The following DNMT3B variants were observed in gnomAD, a reference collection of about 807,000 sequenced individuals.
The protein encoded by DNMT3B is DNA (cytosine-5)-methyltransferase 3B.
A neutral mutation model predicts 120.2 loss-of-function variants in DNMT3B; 37 were observed. The ratio of observed to expected loss-of-function variants is 0.31; its 90% confidence interval spans 0.24 to 0.40. The LOEUF (loss-of-function observed/expected upper bound fraction) is 0.40. Ranked by LOEUF, DNMT3B falls within the 10% of genes least tolerant of loss-of-function variation. The pLI is 1.00. For synonymous variants in DNMT3B, 412 were observed against 442.8 expected, an observed-to-expected ratio of 0.93 and a Z score of 0.87; for missense variants, 878 against 1,137.3, an observed-to-expected ratio of 0.77 and a Z score of 3.28.
At position 32,793,549 on chromosome 20, in the gene DNMT3B, G is replaced by A. The variant is rs776703292; in HGVS notation, c.1080G>A (p.Ser360=). The change falls in exon 10 of 23, where the codon TCG becomes TCA. Residue 360 remains serine, a synonymous_variant. Transcript: ENST00000328111. ...PNNTQPVVNK[S]KVRRAGSRKL... ...TCCCCTCAAAAGTGGTTAATAAGTC[G>A]AAGGTGCGTCGTGCAGGCAGTAGGA... 8.7e-6 allele frequency: 14 copies of A among 1,614,050 alleles called. No individual in the cohort carries two copies. Among genetic ancestry groups the A allele is most frequent in the Admixed American group, 3.3e-5 (2 of 59,998 alleles).
Position 32,792,917 on chromosome 20 carries a change from A to G in DNMT3B, c.1066+147A>G, listed in dbSNP as rs1980157094. The G allele has an allele frequency of 4.8e-6, 6 of 1,262,188 alleles. No individual in the cohort carries two copies. In the East Asian group the frequency reaches 1.5e-4, roughly 32 times the overall value. The allele number at this position is 1,262,188 out of a possible 1,614,324, so 78.2% of individuals were successfully genotyped here. A position where few individuals can be genotyped will look rare whatever the true frequency, so the allele number is the denominator to read the frequency against. ...GAATGTTGGAAAAATAGGAGCAGGC[A>G]TACGAAGGCTGTGCCAGCTCTATCT... On this transcript the variant is annotated intron_variant, in intron 9 of 22. Coordinates refer to ENST00000328111, the MANE Select transcript of DNMT3B (RefSeq NM_006892.4).
chr20:32,802,949 C>G (rs1355548741), intron 20 of DNMT3B, among the ~76,000 whole-genome samples: 2 of 152,214 alleles, frequency 1.3e-5, no homozygotes, highest in Non-Finnish European at 2.9e-5. Context: ...CTTCACCTCT[C>G]CTCCCCGTTG....
At chr20:32,800,391 G>A in intron 17 of DNMT3B, 93 bp downstream of exon 17, 1 of 1,553,278 alleles carries the variant, frequency 6.4e-7, no homozygotes. Flanking sequence ...CCCCATCCCT[G>A]AGACCCCAGA....
intron 8 of DNMT3B, among the ~76,000 whole-genome samples, chr20:32,791,964 T>C (rs1980019780): frequency 6.6e-6 from 1 of 152,166 alleles, no homozygotes; most frequent in Non-Finnish European, 1.5e-5. Flanking sequence ...GGGTGCAATA[T>C]TCGTATCAGT....
At chr20:32,803,530 C>T (rs920766823) in intron 20 of DNMT3B, among the ~76,000 whole-genome samples, 4 of 152,208 alleles carry the variant, frequency 2.6e-5, no homozygotes, top group Non-Finnish European at 4.4e-5. Flanking sequence ...GTAGGCCAGG[C>T]ACTGTTACGC....
intron 15 of DNMT3B, 64 bp from the exon 16 acceptor site, chr20:32,799,180 T>C: frequency 6.4e-7 from 1 of 1,551,678 alleles, no homozygotes; most frequent in East Asian, 2.3e-5. Flanking sequence ...AGCCTGCCCC[T>C]CCCTCAGAGC....
chr20:32,780,296 C>A (rs780191958), intron 1 of DNMT3B, 22 bp from the exon 2 acceptor site: 3 of 1,613,732 alleles, frequency 1.9e-6, no homozygotes, highest in Non-Finnish European at 2.5e-6. Context: ...TTTCACCCCA[C>A]CCATTCTGGC....
rs1981970200 is a variant in DNMT3B at position 32,806,246 on chromosome 20, C to T, written c.2339C>T (p.Ser780Leu). The change falls in exon 22 of 23, where the codon TCG becomes TTG. Residue 780 changes from serine to leucine, a missense_variant. Around this residue, in one of 4 missense-constraint regions of DNMT3B, gnomAD observed 334 missense variants for 518.8 expected, o/e 0.64. Transcript: ENST00000328111. Reference protein sequence around the residue: ...KVQTITTKSNSIKQGKNQLFP... With the variant: ...KVQTITTKSNLIKQGKNQLFP... ...CAGACAATAACCACCAAGTCGAACT[C>T]GATCAAACAGGGGAAAAACCAACTT... 4 of 1,614,130 alleles carry T rather than the reference C, an allele frequency of 2.5e-6. No homozygotes were observed. Among genetic ancestry groups the T allele is most frequent in the Non-Finnish European group, 1.7e-6 (2 of 1,180,038 alleles).
At chr20:32,770,686 C>T (rs906179100) in intron 1 of DNMT3B, among the ~76,000 whole-genome samples, 1 of 149,944 alleles carries the variant, frequency 6.7e-6, no homozygotes, top group African/African-American at 2.5e-5. Context: ...GATCTTGGTT[C>T]ACCACAACCT....
chr20:32,776,137 G>A (rs1227551956), intron 1 of DNMT3B, among the ~76,000 whole-genome samples: 1 of 152,100 alleles, frequency 6.6e-6, no homozygotes, highest in Non-Finnish European at 1.5e-5. Context: ...GCTGAGGCAG[G>A]AGAATCGCTT....
intron 20 of DNMT3B, 145 bp from the exon 21 acceptor site, chr20:32,805,193 C>T: frequency 4.7e-6 from 5 of 1,059,616 alleles, no homozygotes; most frequent in Non-Finnish European, 7.2e-6. Context: ...GGCTTGTGCT[C>T]ATGCCAGGAT....
intron 1 of DNMT3B, among the ~76,000 whole-genome samples, chr20:32,772,591 A>T (rs1479098765): frequency 6.6e-6 from 1 of 152,108 alleles, no homozygotes; most frequent in Non-Finnish European, 1.5e-5. Flanking sequence ...GTTACCATTG[A>T]CCACTCCTTG....
At chr20:32,796,933 C>T (rs1980697098) in intron 13 of DNMT3B, 64 bp downstream of exon 13, 1 of 1,614,020 alleles carries the variant, frequency 6.2e-7, no homozygotes, top group African/African-American at 1.3e-5. Context: ...CCCTCTCCTT[C>T]CCAACAGCAC....
chr20:32,787,153 C>A, intron 5 of DNMT3B, 77 bp from the exon 6 acceptor site: 1 of 1,536,542 alleles, frequency 6.5e-7, no homozygotes, highest in Non-Finnish European at 9.0e-7. Context: ...TGCCTAGGAG[C>A]CATATGGGGG....
chr20:32,797,444 A>G (rs760350254), intron 14 of DNMT3B, 145 bp downstream of exon 14: 9 of 754,270 alleles, frequency 1.2e-5, no homozygotes, highest in Non-Finnish European at 1.7e-5. Context: ...CACAGGGTTT[A>G]TATTTTGTGG....
intron 19 of DNMT3B, 63 bp downstream of exon 19, chr20:32,801,489 T>C: frequency 6.2e-7 from 1 of 1,604,594 alleles, no homozygotes; most frequent in Non-Finnish European, 8.5e-7. Flanking sequence ...CTGCTGGCAG[T>C]GATGATTGGT....
In DNMT3B at chr20:32,795,529, G is replaced by A; in HGVS notation, c.1247G>A (p.Ser416Asn). 4 of 1,614,194 alleles carry A rather than the reference G, an allele frequency of 2.5e-6. No homozygotes were observed. The South Asian group carries it at 4.4e-5, about 18-fold the overall frequency. Residue 416 changes from serine (S) to asparagine (N), a missense_variant, in exon 11 of 23, where the codon AGC (serine) becomes AAC (asparagine). Ser to Asn is a conservative substitution (Grantham distance 46, BLOSUM62 1). Coordinates refer to ENST00000328111, the MANE Select transcript of DNMT3B (RefSeq NM_006892.4). Reference sequence around the variant, plus strand: ...AAAGACCGAGGGGATGAAGATCAGAGCCGAGGTGATTGTTGGGTACCTGGG... The same window carrying A: ...AAAGACCGAGGGGATGAAGATCAGAACCGAGGTGATTGTTGGGTACCTGGG... Reference protein sequence around the residue: ...NGKDRGDEDQSREQMASDVAN... With the variant: ...NGKDRGDEDQNREQMASDVAN...
rs767930436 is a variant in DNMT3B, at chr20:32,786,563, C to T, written c.368C>T (p.Ser123Phe). The change falls in exon 5 of 23, where the codon TCC (serine) becomes TTC (phenylalanine). Residue 123 changes from serine (S) to phenylalanine (F), a missense_variant. Transcript: ENST00000328111. Reference sequence around the variant, plus strand: ...GAGAGGCACAGGCCTTCCCCACGTTCCACCCGAGGCCGGCAGGGCCGCAAC... The same window carrying T: ...GAGAGGCACAGGCCTTCCCCACGTTTCACCCGAGGCCGGCAGGGCCGCAAC... ...SRERHRPSPR[S>F]TRGRQGRNHV... The T allele has an allele frequency of 6.2e-6, 10 of 1,613,870 alleles. No individual in the cohort carries two copies.
chr20:32,800,740 C>A, intron 17 of DNMT3B, 95 bp from the exon 18 acceptor site: 1 of 1,381,002 alleles, frequency 7.2e-7, no homozygotes, highest in Non-Finnish European at 1.0e-6. Flanking sequence ...CAGGTGTGAG[C>A]CACCTCGTCC....
Sources: allele counts gnomAD v4.1 joint callset (sites outside exome capture counted in the v4.1 genomes callset), GRCh38; gene constraint gnomAD v4.1.1; regional missense constraint gnomAD v4.1.1; transcripts MANE v1.5; gene names NCBI Gene and HGNC (gene_info 2026-07-23, HGNC 2026-07-21).